Variants in SGMS1 observed in about 807,000 individuals in gnomAD.
The protein encoded by SGMS1 is phosphatidylcholine:ceramide cholinephosphotransferase 1.
SGMS1 carries 13 observed loss-of-function variants against 46.2 expected under a neutral mutation model. The ratio of observed to expected loss-of-function variants is 0.28; its 90% CI spans 0.18 to 0.45. The LOEUF is 0.45. Ranked by LOEUF, SGMS1 falls within the 20% of genes least tolerant of loss-of-function variation. The probability of loss-of-function intolerance (pLI) is 1.00; values close to 1 mark genes in which losing one functional copy is unlikely to be tolerated. For missense variants in SGMS1, 324 were observed against 519.9 expected (o/e 0.62, Z 3.66); for synonymous variants, 203 against 187.8 (o/e 1.08, Z -0.66).
intron 6 of SGMS1, among the ~76,000 whole-genome samples, chr10:50,427,805 CTT>C (rs1214358171): frequency 6.6e-6 from 1 of 152,170 alleles, no homozygotes; most frequent in Non-Finnish European, 1.5e-5. Flanking sequence ...GAAATCCACA[CTT>C]TGACATGGGA....
At chr10:50,473,623 A>G (rs1338270538) in intron 3 of SGMS1, among the ~76,000 whole-genome samples, 2 of 152,254 alleles carry the variant, frequency 1.3e-5, no homozygotes, top group Non-Finnish European at 2.9e-5. Flanking sequence ...ACAGACTAAA[A>G]TATAAAACCA....
At chr10:50,438,352 T>TTTTGAAAGGCA (rs1303803446) in intron 5 of SGMS1, among the ~76,000 whole-genome samples, 1 of 152,228 alleles carries the variant, frequency 6.6e-6, no homozygotes, top group African/African-American at 2.4e-5. Flanking sequence ...AAGTGCAGGC[T>TTTTGAAAGGCA]GCCATTTTGT....
chr10:50,331,598 A>G (rs1443356862), intron 7 of SGMS1, among the ~76,000 whole-genome samples: 1 of 152,172 alleles, frequency 6.6e-6, no homozygotes, highest in African/African-American at 2.4e-5. Flanking sequence ...AGTCATCCTG[A>G]AATGTCATCC....
At chr10:50,610,694 C>T (rs1053495832) in intron 1 of SGMS1, among the ~76,000 whole-genome samples, 66 of 152,170 alleles carry the variant, frequency 4.3e-4, no homozygotes, top group Admixed American at 4.3e-3. Flanking sequence ...GTTAAATTAC[C>T]AACCTTGTGA....
At chr10:50,405,813 A>C (rs190606043) in intron 6 of SGMS1, among the ~76,000 whole-genome samples, 2 of 152,336 alleles carry the variant, frequency 1.3e-5, no homozygotes, top group African/African-American at 4.8e-5. Context: ...CATTTAGCTG[A>C]ATGTCATTTC....
intron 3 of SGMS1, among the ~76,000 whole-genome samples, chr10:50,509,115 G>A (rs994598555): frequency 1.3e-5 from 2 of 152,092 alleles, no homozygotes; most frequent in African/African-American, 2.4e-5. Flanking sequence ...TTCCTGTTGG[G>A]GAAAGACTGT....
chr10:50,312,955 T>C (rs1847280881), intron 8 of SGMS1, among the ~76,000 whole-genome samples: 1 of 152,204 alleles, frequency 6.6e-6, no homozygotes, highest in African/African-American at 2.4e-5. Context: ...CCAATGCCTC[T>C]GGCTGTATTG....
chr10:50,361,648 A>G (rs1486119354), intron 6 of SGMS1, among the ~76,000 whole-genome samples: 1 of 152,206 alleles, frequency 6.6e-6, no homozygotes, highest in Non-Finnish European at 1.5e-5. Context: ...TGGAGATCCT[A>G]TCTTGAAGGC....
At chr10:50,555,958 A>G (rs1405938418) in intron 2 of SGMS1, among the ~76,000 whole-genome samples, 1 of 152,236 alleles carries the variant, frequency 6.6e-6, no homozygotes, top group African/African-American at 2.4e-5. Flanking sequence ...CGGAAAGACC[A>G]TCTAATTGCC....
chr10:50,585,965 C>CT (rs1838480015), intron 2 of SGMS1, among the ~76,000 whole-genome samples: 1 of 152,140 alleles, frequency 6.6e-6, no homozygotes, highest in Admixed American at 6.5e-5. Flanking sequence ...AGCTGGCAAA[C>CT]TTTTTTGTAA....
At chr10:50,449,315 T>C (rs191350472) in intron 5 of SGMS1, among the ~76,000 whole-genome samples, 419 of 152,278 alleles carry the variant, frequency 2.8e-3, no homozygotes, top group Non-Finnish European at 5.1e-3. Context: ...CTGCTAGGAA[T>C]TGGAAAGCTT....
At chr10:50,527,173 C>T (rs1053125926) in intron 2 of SGMS1, among the ~76,000 whole-genome samples, 6 of 151,724 alleles carry the variant, frequency 4.0e-5, no homozygotes, top group African/African-American at 1.5e-4. Context: ...TAGACATTGA[C>T]GGTGTGCCCA....
chr10:50,338,744 ATT>A (rs202210485), intron 7 of SGMS1, among the ~76,000 whole-genome samples: 28 of 139,268 alleles, frequency 2.0e-4, no homozygotes, highest in African/African-American at 3.9e-4. Flanking sequence ...CTGCAATGGC[ATT>A]TTTTTTTTTT....
At chr10:50,507,750 A>G (rs1837719934) in intron 3 of SGMS1, among the ~76,000 whole-genome samples, 1 of 152,218 alleles carries the variant, frequency 6.6e-6, no homozygotes, top group Admixed American at 6.5e-5. Flanking sequence ...TGGGCCTGCC[A>G]GGCTAGACTA....
chr10:50,623,751 C>A lies in SGMS1; in HGVS notation c.-728G>T. ...GCCGCCGGAATTCCGCTCGCGGAGC[C>A]CCCGCCGCGGAATGAAATCCGGGGC... On this transcript the variant is annotated 5_prime_UTR_variant, in exon 1 of 11. Transcript: ENST00000361781. 1 of 985,444 alleles carries A rather than the reference C, an allele frequency of 1.0e-6. No homozygotes were observed. Among genetic ancestry groups the A allele is most frequent in the Non-Finnish European group, 1.2e-6 (1 of 829,950 alleles). The allele number at this position is 985,444 out of a possible 1,614,324, so 61.0% of individuals were successfully genotyped here. A position where few individuals can be genotyped will look rare whatever the true frequency, so the allele number is the denominator to read the frequency against.
intron 8 of SGMS1, among the ~76,000 whole-genome samples, chr10:50,318,916 C>T (rs1197205602): frequency 6.6e-6 from 1 of 152,046 alleles, no homozygotes; most frequent in Non-Finnish European, 1.5e-5. Flanking sequence ...CCCACCAGCC[C>T]CTCCTTCCCT....
chr10:50,380,806 C>T (rs982478156), intron 6 of SGMS1, among the ~76,000 whole-genome samples: 1 of 152,062 alleles, frequency 6.6e-6, no homozygotes, highest in Non-Finnish European at 1.5e-5. Flanking sequence ...TTCTAAGGAA[C>T]AATATCTGTG....
intron 6 of SGMS1, among the ~76,000 whole-genome samples, chr10:50,393,682 C>A (rs1418413332): frequency 1.3e-5 from 2 of 152,166 alleles, no homozygotes; most frequent in Non-Finnish European, 2.9e-5. Flanking sequence ...GTTCTGAGAC[C>A]AATTACTAGA....
intron 3 of SGMS1, among the ~76,000 whole-genome samples, chr10:50,505,698 T>C (rs3011768): frequency 0.85 from 128,785 of 152,134 alleles, 54,657 homozygotes; most frequent in East Asian, 1. Context: ...AAGGAGTTCA[T>C]ATGCAGCCAA....
Sources: allele counts gnomAD v4.1 joint callset (sites outside exome capture counted in the v4.1 genomes callset), GRCh38; gene constraint gnomAD v4.1.1; transcripts MANE v1.5; gene names NCBI Gene and HGNC (gene_info 2026-07-23, HGNC 2026-07-21).